XPR1: variants seen among roughly 807,000 people sequenced by gnomAD.
XPR1 encodes the protein solute carrier family 53 member 1.
In XPR1, 28 loss-of-function variants were observed where a neutral mutation model predicts 87.5. That is an observed-to-expected ratio of 0.32 (90% CI 0.24 to 0.44). The LOEUF (loss-of-function observed/expected upper bound fraction) is 0.44. Among genes scored for constraint, XPR1 ranks in the 20% least tolerant of loss-of-function variants. The pLI is 1.00. For missense variants in XPR1, 559 were observed against 862.3 expected (o/e 0.65, Z 4.41); for synonymous variants, 300 against 306.1 (o/e 0.98, Z 0.21).
intron 9 of XPR1, among the ~76,000 whole-genome samples, chr1:180,828,310 A>G (rs1650935351): frequency 1.3e-5 from 2 of 152,238 alleles, no homozygotes; most frequent in African/African-American, 2.4e-5. Flanking sequence ...AAAAAAATTT[A>G]TAAGAAATTG....
intron 2 of XPR1, among the ~76,000 whole-genome samples, chr1:180,689,783 G>A (rs1321516153): frequency 6.6e-6 from 1 of 152,106 alleles, no homozygotes; most frequent in Non-Finnish European, 1.5e-5. Context: ...AATGATAGGG[G>A]CAGCTGGGTT....
intron 2 of XPR1, among the ~76,000 whole-genome samples, chr1:180,704,125 T>G (rs1415119420): frequency 6.6e-6 from 1 of 151,346 alleles, no homozygotes; most frequent in East Asian, 1.9e-4. Flanking sequence ...GTGGTGCATC[T>G]TAGCATAGTT....
At chr1:180,782,635 A>G (rs1448958144) in intron 2 of XPR1, among the ~76,000 whole-genome samples, 1 of 151,856 alleles carries the variant, frequency 6.6e-6, no homozygotes, top group African/African-American at 2.4e-5. Context: ...TTAAGGCTCC[A>G]TTAGCCTTAA....
intron 2 of XPR1, among the ~76,000 whole-genome samples, chr1:180,729,770 T>G (rs1658487910): frequency 6.6e-6 from 1 of 152,224 alleles, no homozygotes; most frequent in African/African-American, 2.4e-5. Flanking sequence ...GCTTGTGAAT[T>G]TAAGTTCCTT....
At chr1:180,784,570 A>G (rs532655344) in intron 2 of XPR1, among the ~76,000 whole-genome samples, 10 of 152,122 alleles carry the variant, frequency 6.6e-5, no homozygotes, top group South Asian at 6.2e-4. Context: ...GAAAGTGTCA[A>G]TCATTTCCTT....
At chr1:180,761,314 A>G (rs1385344687) in intron 2 of XPR1, among the ~76,000 whole-genome samples, 5 of 152,202 alleles carry the variant, frequency 3.3e-5, no homozygotes, top group East Asian at 1.9e-4. Flanking sequence ...AAAAGAAACT[A>G]CCATCAGAGT....
chr1:180,721,866 A>G (rs970078800), intron 2 of XPR1, among the ~76,000 whole-genome samples: 9 of 152,230 alleles, frequency 5.9e-5, no homozygotes, highest in Non-Finnish European at 1.0e-4. Context: ...ACAGTATATA[A>G]TACATGAAAC....
At chr1:180,658,151 T>C (rs1655603039) in intron 1 of XPR1, among the ~76,000 whole-genome samples, 3 of 152,268 alleles carry the variant, frequency 2.0e-5, no homozygotes, top group South Asian at 4.1e-4. Flanking sequence ...CCTGCAACTT[T>C]ACTGCATTTG....
At chr1:180,785,386 G>A (rs1015165219) in intron 2 of XPR1, among the ~76,000 whole-genome samples, 3 of 152,020 alleles carry the variant, frequency 2.0e-5, no homozygotes, top group African/African-American at 7.2e-5. Context: ...TCGAACTCCT[G>A]ACCTCAGGTG....
At chr1:180,633,278 A>G (rs1295524039) in intron 1 of XPR1, among the ~76,000 whole-genome samples, 3 of 152,246 alleles carry the variant, frequency 2.0e-5, no homozygotes, top group Non-Finnish European at 4.4e-5. Context: ...GGTTATTCTC[A>G]GTAGCTGGCA....
intron 2 of XPR1, among the ~76,000 whole-genome samples, chr1:180,760,157 A>G (rs1450213542): frequency 6.6e-6 from 1 of 152,222 alleles, no homozygotes; most frequent in Non-Finnish European, 1.5e-5. Flanking sequence ...AGCCAATATC[A>G]TACTGAATGG....
intron 11 of XPR1, 124 bp downstream of exon 11, chr1:180,836,840 C>T: frequency 9.1e-7 from 1 of 1,103,726 alleles, no homozygotes; most frequent in South Asian, 1.5e-5. Flanking sequence ...ATTTCAGTTC[C>T]TTCAGTTATA....
At chr1:180,879,509 T>A (rs952399740) in intron 13 of XPR1, among the ~76,000 whole-genome samples, 3 of 152,322 alleles carry the variant, frequency 2.0e-5, no homozygotes, top group Admixed American at 2.0e-4. Flanking sequence ...CCAACTTGCC[T>A]TTTTATACTT....
intron 2 of XPR1, among the ~76,000 whole-genome samples, chr1:180,761,370 G>C (rs1391727210): frequency 6.6e-6 from 1 of 152,056 alleles, no homozygotes; most frequent in Non-Finnish European, 1.5e-5. Context: ...CAACCTACTC[G>C]TCTGACAAAG....
At chr1:180,745,088 TG>T (rs1659046472) in intron 2 of XPR1, among the ~76,000 whole-genome samples, 1 of 152,222 alleles carries the variant, frequency 6.6e-6, no homozygotes, top group Admixed American at 6.5e-5. Flanking sequence ...TGACCAGATA[TG>T]TGTCAGTTGC....
chr1:180,740,152 A>G (rs1296460404), intron 2 of XPR1, among the ~76,000 whole-genome samples: 1 of 152,102 alleles, frequency 6.6e-6, no homozygotes, highest in Non-Finnish European at 1.5e-5. Flanking sequence ...TTCAAACTGT[A>G]TGCTTTTATT....
chr1:180,800,208 G>A (rs1479142946), intron 3 of XPR1, among the ~76,000 whole-genome samples: 1 of 152,180 alleles, frequency 6.6e-6, no homozygotes, highest in East Asian at 1.9e-4. Context: ...GGTCTTTTGT[G>A]AGTCTCATCT....
At position 180,803,481 on chromosome 1, in the gene XPR1, C is replaced by T. The variant is rs780010051; in HGVS notation, c.317C>T (p.Thr106Met). The T allele has an allele frequency of 1.5e-5, 24 of 1,613,928 alleles. No homozygotes were observed. The highest frequency in any genetic ancestry group is 3.3e-5 in the South Asian group (3 of 91,082). ...DAQKESTGVTTLRQRRKPVFH... is the reference protein window; with the variant it reads ...DAQKESTGVTMLRQRRKPVFH... ...CAGAAAGAAAGCACTGGTGTTACTA[C>T]GCTGCGACAACGCAGAAAGCCAGTC... Residue 106 changes from threonine (T) to methionine (M), a missense_variant, in exon 4 of 15, where the codon ACG becomes ATG. This residue lies in a region of XPR1 where 159 missense variants were observed against 263.3 expected (regional missense o/e 0.60). Coordinates refer to ENST00000367590, the MANE Select transcript of XPR1 (RefSeq NM_004736.4).
chr1:180,845,165 CAAA>C (rs989167458), intron 11 of XPR1, among the ~76,000 whole-genome samples: 2 of 152,040 alleles, frequency 1.3e-5, no homozygotes, highest in Non-Finnish European at 2.9e-5. Flanking sequence ...AATATTTAAT[CAAA>C]GAAGTGATGA....
Sources: gnomAD v4.1 joint callset for allele counts (sites outside exome capture counted in the v4.1 genomes callset) on GRCh38, gnomAD v4.1.1 for gene constraint, gnomAD v4.1.1 regional missense constraint, MANE v1.5 for transcripts, NCBI Gene and HGNC (gene_info 2026-07-23, HGNC 2026-07-21) for gene names.